The following COP1 variants were observed in gnomAD, a reference collection of about 807,000 sequenced individuals.
COP1 encodes E3 ubiquitin-protein ligase COP1.
In COP1, 24 loss-of-function variants were observed where a neutral mutation model predicts 101.3. The observed-to-expected ratio is 0.24, with a 90% confidence interval of 0.17 to 0.33. The LOEUF is 0.33. Ranked by LOEUF, COP1 falls within the 10% of genes least tolerant of loss-of-function variation. COP1 has a pLI of 1.00. For missense variants in COP1, 663 were observed against 906.2 expected, an observed-to-expected ratio of 0.73 and a Z score of 3.45; for synonymous variants, 347 against 341.9, an observed-to-expected ratio of 1.01 and a Z score of -0.17.
chr1:176,095,588 A>C (rs1430339877), intron 9 of COP1, among the ~76,000 whole-genome samples: 1 of 152,130 alleles, frequency 6.6e-6, no homozygotes, highest in African/African-American at 2.4e-5. Flanking sequence ...AGGCTGAGGT[A>C]AGAGGATGGC....
chr1:175,988,424 T>C lies in COP1; in HGVS notation c.1848-12A>G. On this transcript the variant is annotated splice_polypyrimidine_tract_variant and intron_variant, in intron 16 of 19. Coordinates refer to ENST00000367669, the MANE Select transcript of COP1 (RefSeq NM_022457.7). ...GACTGTCTGTTGAGCTGAGGAAAAG[T>C]ACAAAGAGTAAGAACTTACTTAAAA... 3.8e-6 allele frequency: 6 copies of C among 1,581,948 alleles called. No individual in the cohort carries two copies. The highest frequency in any genetic ancestry group is 1.1e-5 in the South Asian group (1 of 87,502).
At chr1:176,049,178 CAAAAAAA>C (rs61267982) in intron 11 of COP1, among the ~76,000 whole-genome samples, 3 of 118,372 alleles carry the variant, frequency 2.5e-5, no homozygotes, top group African/African-American at 1.0e-4. Context: ...GACTCCGTCT[CAAAAAAA>C]AAAAAAAAAA....
intron 15 of COP1, among the ~76,000 whole-genome samples, chr1:175,991,334 A>G (rs1658388540): frequency 1.3e-5 from 2 of 152,174 alleles, no homozygotes; most frequent in South Asian, 4.1e-4. Flanking sequence ...AATGGTAAAT[A>G]TTTACGTATC....
chr1:176,041,435 C>T (rs1245258084), intron 14 of COP1, among the ~76,000 whole-genome samples: 1 of 150,770 alleles, frequency 6.6e-6, no homozygotes, highest in African/African-American at 2.4e-5. Context: ...ACAACCTCTG[C>T]CTCCTAGGTT....
At chr1:175,956,852 T>C (rs1002749503) in intron 18 of COP1, among the ~76,000 whole-genome samples, 5 of 152,292 alleles carry the variant, frequency 3.3e-5, no homozygotes, top group Non-Finnish European at 7.4e-5. Context: ...ATTGTTACCA[T>C]AGGAGATGAC....
intron 14 of COP1, among the ~76,000 whole-genome samples, chr1:176,029,953 G>T (rs758447413): frequency 1.3e-5 from 2 of 151,962 alleles, no homozygotes; most frequent in Non-Finnish European, 2.9e-5. Context: ...ATTATTATTA[G>T]TAGTAGTATT....
chr1:175,959,712 TATACAC>T, intron 18 of COP1, among the ~76,000 whole-genome samples: 1 of 152,214 alleles, frequency 6.6e-6, no homozygotes, highest in East Asian at 1.9e-4. Context: ...GAATAGATAA[TATACAC>T]ATGTGGTAAA....
At chr1:176,066,288 T>C (rs1411563901) in intron 11 of COP1, among the ~76,000 whole-genome samples, 1 of 152,188 alleles carries the variant, frequency 6.6e-6, no homozygotes, top group African/African-American at 2.4e-5. Flanking sequence ...CCATGCCCCA[T>C]GTCATGTAAA....
chr1:176,173,850 C>T lies in COP1; in HGVS notation c.565+2060G>A, dbSNP rs141438109. Among the ~76,000 whole-genome samples, 398 of 151,100 alleles carry T rather than the reference C, an allele frequency of 2.6e-3. 3 individuals are homozygous for T. The highest frequency in any genetic ancestry group is 9.2e-3 in the African/African-American group (379 of 41,190). On this transcript the variant is annotated intron_variant, in intron 3 of 19. Transcript: ENST00000367669. ...TAAAAACACAAAAATTAGCCGGGTA[C>T]AGTGGCGCACGTCTGTGATTCCAGC...
At chr1:175,979,520 T>G (rs1655318085) in intron 18 of COP1, among the ~76,000 whole-genome samples, 1 of 149,320 alleles carries the variant, frequency 6.7e-6, no homozygotes, top group Non-Finnish European at 1.5e-5. Context: ...AAGACTGAGT[T>G]GTGAAATGTC....
rs760414924 is a variant in COP1, at chr1:176,206,702, C to A, written c.277G>T (p.Ala93Ser). 1.2e-6 allele frequency: 2 copies of A among 1,602,202 alleles called. No homozygotes were observed. The highest frequency in any genetic ancestry group is 1.7e-6 in the Non-Finnish European group (2 of 1,178,590). The change falls in exon 1 of 20, where the codon GCC becomes TCC. Residue 93 changes from alanine to serine, a missense_variant. Physicochemically the swap from Ala to Ser is moderately conservative, Grantham distance 99. Around this residue, in one of 4 missense-constraint regions of COP1, gnomAD observed 204 missense variants for 203.6 expected, o/e 1.00. Coordinates refer to ENST00000367669, the MANE Select transcript of COP1 (RefSeq NM_022457.7). ...CCTCCTACGCCGGCGCTGGGCCTGG[C>A]CGCGCAGCTGTGCCGGGACAGGCCC... Reference protein sequence around the residue: ...STGLSRHSCAARPSAGVGGSS... With the variant: ...STGLSRHSCASRPSAGVGGSS...
At chr1:176,188,574 T>G (rs753884577) in intron 1 of COP1, among the ~76,000 whole-genome samples, 1 of 152,166 alleles carries the variant, frequency 6.6e-6, no homozygotes, top group Non-Finnish European at 1.5e-5. Flanking sequence ...CAACACCATG[T>G]GCTCACTTCA....
intron 14 of COP1, among the ~76,000 whole-genome samples, chr1:176,039,895 T>G (rs892745876): frequency 6.6e-6 from 1 of 152,172 alleles, no homozygotes; most frequent in African/African-American, 2.4e-5. Context: ...AACATCATAT[T>G]ACAAAAATTA....
chr1:176,056,865 T>G (rs1344485097), intron 11 of COP1, among the ~76,000 whole-genome samples: 1 of 152,242 alleles, frequency 6.6e-6, no homozygotes, highest in Non-Finnish European at 1.5e-5. Flanking sequence ...ACAAACACTT[T>G]ATTAATTACT....
chr1:176,142,562 CT>C (rs1381110637), intron 6 of COP1, among the ~76,000 whole-genome samples: 9 of 152,020 alleles, frequency 5.9e-5, no homozygotes, highest in Non-Finnish European at 1.0e-4. Flanking sequence ...CATTTAACAA[CT>C]TTACAATGAA....
At chr1:176,126,360 T>C (rs1320050799) in intron 8 of COP1, among the ~76,000 whole-genome samples, 1 of 152,228 alleles carries the variant, frequency 6.6e-6, no homozygotes, top group Non-Finnish European at 1.5e-5. Context: ...GTTTGTCATA[T>C]ATGGCTTTTA....
chr1:176,108,982 C>T (rs539352161), intron 9 of COP1, among the ~76,000 whole-genome samples: 38 of 151,934 alleles, frequency 2.5e-4, no homozygotes, highest in Middle Eastern at 6.8e-3. Flanking sequence ...CGCGGTGGTG[C>T]GCACCTGCAG....
chr1:176,169,781 G>A (rs370471978), intron 3 of COP1, among the ~76,000 whole-genome samples: 1 of 152,132 alleles, frequency 6.6e-6, no homozygotes, highest in Non-Finnish European at 1.5e-5. Flanking sequence ...ACACAATGAC[G>A]AAGACTGCTG....
intron 18 of COP1, among the ~76,000 whole-genome samples, chr1:175,969,274 A>G (rs1388941824): frequency 2.0e-5 from 3 of 152,208 alleles, no homozygotes; most frequent in African/African-American, 7.2e-5. Flanking sequence ...GAGCATTGTT[A>G]GGGACCAGAA....
Sources: gnomAD v4.1 joint callset for allele counts (sites outside exome capture counted in the v4.1 genomes callset) on GRCh38, gnomAD v4.1.1 for gene constraint, gnomAD v4.1.1 regional missense constraint, MANE v1.5 for transcripts, NCBI Gene and HGNC (gene_info 2026-07-23, HGNC 2026-07-21) for gene names.